BBX: variants seen among roughly 807,000 people sequenced by gnomAD.
BBX encodes the protein HMG box transcription factor BBX.
A neutral mutation model predicts 100.2 loss-of-function variants in BBX; 30 were observed. That is an observed-to-expected ratio of 0.30 (90% CI 0.22 to 0.41). The LOEUF is 0.41. Ranked by LOEUF, BBX falls within the 10% of genes least tolerant of loss-of-function variation. The pLI is 1.00. For synonymous variants in BBX, 376 were observed against 388.1 expected (o/e 0.97, Z 0.37); for missense variants, 1,023 against 1,129.8 (o/e 0.91, Z 1.35).
At chr3:107,584,104 T>A (rs968234953) in intron 2 of BBX, among the ~76,000 whole-genome samples, 1 of 10,368 alleles carries the variant, frequency 9.6e-5, no homozygotes, top group African/African-American at 6.7e-4. Flanking sequence ...ATTATATATA[T>A]TATATATTAT....
At chr3:107,622,894 TC>T (rs1214275353) in intron 2 of BBX, among the ~76,000 whole-genome samples, 2 of 152,164 alleles carry the variant, frequency 1.3e-5, no homozygotes, top group Non-Finnish European at 2.9e-5. Flanking sequence ...CTATGTCAGT[TC>T]AGTTTTCAAA....
At chr3:107,797,363 T>A (rs1391388514) in intron 15 of BBX, among the ~76,000 whole-genome samples, 6 of 133,564 alleles carry the variant, frequency 4.5e-5, no homozygotes, top group African/African-American at 1.7e-4. Flanking sequence ...TATATATATA[T>A]AGCTTTATTG....
intron 15 of BBX, 37 bp downstream of exon 15, chr3:107,791,336 G>A (rs1576830508): frequency 1.3e-5 from 20 of 1,566,792 alleles, no homozygotes; most frequent in Non-Finnish European, 1.8e-5. Flanking sequence ...GAGACAATCG[G>A]AGCTGGAAAT....
chr3:107,768,023 T>C (rs2066533887), intron 10 of BBX, among the ~76,000 whole-genome samples: 2 of 152,200 alleles, frequency 1.3e-5, no homozygotes, highest in Admixed American at 1.3e-4. Context: ...ACTGGGGACC[T>C]GTCCCATGGG....
At chr3:107,549,202 T>G (rs2049471891) in intron 2 of BBX, among the ~76,000 whole-genome samples, 2 of 152,220 alleles carry the variant, frequency 1.3e-5, no homozygotes, top group Non-Finnish European at 2.9e-5. Context: ...AACAAACATT[T>G]ATCAAGCTTT....
intron 9 of BBX, among the ~76,000 whole-genome samples, chr3:107,748,328 T>C (rs1576619566): frequency 6.6e-6 from 1 of 152,210 alleles, no homozygotes; most frequent in Admixed American, 6.5e-5. Flanking sequence ...TTTAAAAGCT[T>C]GGAAAAACTG....
intron 15 of BBX, among the ~76,000 whole-genome samples, chr3:107,796,642 A>G (rs1290370373): frequency 6.6e-6 from 1 of 152,206 alleles, no homozygotes; most frequent in Non-Finnish European, 1.5e-5. Flanking sequence ...TAAGGCTAAA[A>G]TAGAATCATG....
chr3:107,792,088 T>C (rs1267759863), intron 15 of BBX, among the ~76,000 whole-genome samples: 1 of 152,218 alleles, frequency 6.6e-6, no homozygotes, highest in Non-Finnish European at 1.5e-5. Flanking sequence ...GATTTTGAAA[T>C]TTCTCACGGC....
chr3:107,790,610 C>G (rs968269861), intron 14 of BBX, among the ~76,000 whole-genome samples: 3 of 152,230 alleles, frequency 2.0e-5, no homozygotes, highest in Admixed American at 6.5e-5. Flanking sequence ...ATCTTCCCAT[C>G]TGGCTCAGTG....
chr3:107,790,379 A>AC (rs993713275), intron 14 of BBX, among the ~76,000 whole-genome samples: 19 of 148,528 alleles, frequency 1.3e-4, no homozygotes, highest in Admixed American at 6.7e-4. Flanking sequence ...CTCTTCTTCC[A>AC]CCCCCCCTCG....
At chr3:107,659,656 G>A in intron 3 of BBX, 1 of 1,091,220 alleles carries the variant, frequency 9.2e-7, no homozygotes, top group Non-Finnish European at 1.2e-6. Flanking sequence ...AACTCAGGCT[G>A]TCTGGCTGCA....
chr3:107,574,319 G>T (rs1470487603), intron 2 of BBX, among the ~76,000 whole-genome samples: 1 of 152,128 alleles, frequency 6.6e-6, no homozygotes, highest in African/African-American at 2.4e-5. Context: ...CTTAAACCTG[G>T]CATCGTCTTA....
At chr3:107,754,100 C>A (rs1352654372) in intron 9 of BBX, among the ~76,000 whole-genome samples, 2 of 152,138 alleles carry the variant, frequency 1.3e-5, no homozygotes, top group Non-Finnish European at 1.5e-5. Context: ...GGCTCAAAAT[C>A]TTATTTGCTT....
chr3:107,631,432 A>G (rs1431697944), intron 2 of BBX, among the ~76,000 whole-genome samples: 1 of 152,178 alleles, frequency 6.6e-6, no homozygotes, highest in East Asian at 1.9e-4. Flanking sequence ...TAAGTCTCCC[A>G]GTGTAGGTCA....
intron 3 of BBX, chr3:107,646,218 A>G (rs912575164): frequency 6.6e-6 from 1 of 152,164 alleles, no homozygotes; most frequent in Non-Finnish European, 1.5e-5. Flanking sequence ...CTAAGAGGTT[A>G]TATACCTAAA....
Position 107,772,711 on chromosome 3 carries a change from A to G in BBX, c.990A>G (p.Glu330=), listed in dbSNP as rs767562134. ...AKESDGGRIK[E]LEKGKEEKEI... is the part of the protein sequence containing the mutation. ...AATCCGATGGTGGAAGAATTAAAGA[A>G]TTAGAGAAGGGAAAGGAAGAAAAAG... The change falls in exon 11 of 18, where the codon GAA becomes GAG. Residue 330 remains glutamate, a synonymous_variant. Transcript: ENST00000325805. 6.2e-7 allele frequency: 1 copy of G among 1,610,846 alleles called. No homozygotes were observed. Among genetic ancestry groups the G allele is most frequent in the Non-Finnish European group, 8.5e-7 (1 of 1,179,246 alleles).
chr3:107,629,906 T>C (rs887289819), intron 2 of BBX, among the ~76,000 whole-genome samples: 10 of 152,182 alleles, frequency 6.6e-5, no homozygotes, highest in African/African-American at 2.4e-4. Context: ...CATTCAAATA[T>C]GTGGCATAAA....
chr3:107,735,635 G>T (rs573795759), intron 7 of BBX, among the ~76,000 whole-genome samples: 2 of 151,810 alleles, frequency 1.3e-5, no homozygotes, highest in Non-Finnish European at 2.9e-5. Flanking sequence ...TTTTAAAAAA[G>T]CATCTCTAGA....
intron 2 of BBX, among the ~76,000 whole-genome samples, chr3:107,544,408 G>A (rs1338040481): frequency 1.3e-5 from 2 of 152,112 alleles, no homozygotes; most frequent in South Asian, 2.1e-4. Flanking sequence ...CTAGAACATA[G>A]CATGACTTCC....
Sources: gnomAD v4.1 joint callset for allele counts (sites outside exome capture counted in the v4.1 genomes callset) on GRCh38, gnomAD v4.1.1 for gene constraint, MANE v1.5 for transcripts, NCBI Gene and HGNC (gene_info 2026-07-23, HGNC 2026-07-21) for gene names.